ATP8A2: variants seen among roughly 807,000 people sequenced by gnomAD.
ATP8A2 encodes phospholipid-transporting ATPase IB.
ATP8A2 carries 100 observed loss-of-function variants against 165.6 expected under a neutral mutation model. The ratio of observed to expected loss-of-function variants is 0.60; its 90% CI spans 0.51 to 0.71. The LOEUF (loss-of-function observed/expected upper bound fraction) is 0.71. Ranked by LOEUF, ATP8A2 falls within the 30% of genes least tolerant of loss-of-function variation. ATP8A2 has a pLI of 0.00. For missense variants in ATP8A2, 1,227 were observed against 1,479.5 expected (o/e 0.83, Z 2.80); for synonymous variants, 543 against 548.8 (o/e 0.99, Z 0.15).
At chr13:25,393,786 T>G (rs1380993037) in intron 1 of ATP8A2, among the ~76,000 whole-genome samples, 1 of 152,252 alleles carries the variant, frequency 6.6e-6, no homozygotes, top group Non-Finnish European at 1.5e-5. Context: ...CATTTTATGT[T>G]GTGCATGCCT....
intron 21 of ATP8A2, among the ~76,000 whole-genome samples, chr13:25,579,459 G>T (rs960499486): frequency 6.6e-6 from 1 of 152,124 alleles, no homozygotes; most frequent in African/African-American, 2.4e-5. Context: ...GGGATAGCAC[G>T]TGGGGCCTTT....
chr13:25,521,054 C>T (rs1325615050), intron 2 of ATP8A2, among the ~76,000 whole-genome samples: 2 of 152,132 alleles, frequency 1.3e-5, no homozygotes, highest in Non-Finnish European at 2.9e-5. Context: ...TTTATAATAG[C>T]CATTTACACT....
intron 27 of ATP8A2, among the ~76,000 whole-genome samples, chr13:25,813,526 A>G (rs961100695): frequency 1.3e-5 from 2 of 152,214 alleles, no homozygotes; most frequent in Admixed American, 1.3e-4. Flanking sequence ...ATGGTATGAT[A>G]TATGATGATA....
At chr13:25,903,757 C>T (rs1212665019) in intron 33 of ATP8A2, among the ~76,000 whole-genome samples, 9 of 152,168 alleles carry the variant, frequency 5.9e-5, no homozygotes, top group Admixed American at 2.0e-4. Context: ...GGACCGACAT[C>T]GACACCTTAC....
chr13:25,645,767 A>G (rs2041655940), intron 24 of ATP8A2, among the ~76,000 whole-genome samples: 1 of 152,142 alleles, frequency 6.6e-6, no homozygotes, highest in African/African-American at 2.4e-5. Flanking sequence ...ATACCATTGT[A>G]GTCAGAAAAG....
At chr13:25,469,830 T>C (rs540318918) in intron 2 of ATP8A2, among the ~76,000 whole-genome samples, 9 of 152,322 alleles carry the variant, frequency 5.9e-5, no homozygotes, top group African/African-American at 2.2e-4. Context: ...ATCTGACTAC[T>C]AAGGATAAAA....
At chr13:25,575,908 T>G (rs2039604693) in intron 19 of ATP8A2, among the ~76,000 whole-genome samples, 1 of 152,076 alleles carries the variant, frequency 6.6e-6, no homozygotes, top group Non-Finnish European at 1.5e-5. Context: ...GGGAGTTAGA[T>G]AAAAACAGGT....
intron 1 of ATP8A2, among the ~76,000 whole-genome samples, chr13:25,453,911 G>A (rs1057320259): frequency 6.6e-6 from 1 of 152,128 alleles, no homozygotes; most frequent in African/African-American, 2.4e-5. Flanking sequence ...TCCTGAAGCT[G>A]GTATTGAAAT....
intron 1 of ATP8A2, among the ~76,000 whole-genome samples, chr13:25,384,965 C>T (rs1224139299): frequency 6.6e-6 from 1 of 152,152 alleles, no homozygotes; most frequent in Non-Finnish European, 1.5e-5. Flanking sequence ...TTGGGCTGCA[C>T]CAGTGGCTGC....
chr13:25,935,198 G>A (rs1954851148), intron 33 of ATP8A2, among the ~76,000 whole-genome samples: 1 of 152,176 alleles, frequency 6.6e-6, no homozygotes, highest in South Asian at 2.1e-4. Flanking sequence ...TTGGGCAGCT[G>A]CCTCCCTGAA....
intron 25 of ATP8A2, among the ~76,000 whole-genome samples, chr13:25,734,997 C>T (rs912928405): frequency 5.3e-5 from 8 of 152,056 alleles, no homozygotes; most frequent in Non-Finnish European, 1.0e-4. Flanking sequence ...AAGGAACAAG[C>T]GATAAGTTCT....
At chr13:25,801,675 T>C (rs754101822) in intron 27 of ATP8A2, among the ~76,000 whole-genome samples, 1 of 152,202 alleles carries the variant, frequency 6.6e-6, no homozygotes, top group Non-Finnish European at 1.5e-5. Context: ...TGTGAACAAA[T>C]GTTACTTGAC....
At chr13:25,756,023 C>T (rs2044253755) in intron 25 of ATP8A2, among the ~76,000 whole-genome samples, 1 of 152,172 alleles carries the variant, frequency 6.6e-6, no homozygotes, top group South Asian at 2.1e-4. Context: ...TCTCTTCCCA[C>T]CTCTGTCCTG....
chr13:25,519,886 A>C (rs1477374426), intron 2 of ATP8A2, among the ~76,000 whole-genome samples: 2 of 152,214 alleles, frequency 1.3e-5, no homozygotes, highest in Non-Finnish European at 2.9e-5. Context: ...GTGAATGGTA[A>C]AACATCTCCC....
intron 17 of ATP8A2, 31 bp from the exon 18 acceptor site, chr13:25,571,579 T>G (rs1399063637): frequency 3.9e-6 from 6 of 1,546,408 alleles, no homozygotes; most frequent in African/African-American, 1.4e-5. Flanking sequence ...ACCAGTGATA[T>G]GTCAATGTTT....
In ATP8A2 at chr13:25,715,459, C is replaced by G. The variant is rs529991233; in HGVS notation, c.2384+16114C>G. Among the ~76,000 whole-genome samples, 11 of 152,266 alleles carry G rather than the reference C, an allele frequency of 7.2e-5. No individual in the cohort carries two copies. In the South Asian group the frequency reaches 8.3e-4, roughly 11 times the overall value. ...ATTCCATTTTAGAACATTTCATCATCCCCAAAAAGAAACCCTGTACCAATT... is the reference window on the plus strand; with the variant it reads ...ATTCCATTTTAGAACATTTCATCATGCCCAAAAAGAAACCCTGTACCAATT... On this transcript the variant is annotated intron_variant, in intron 25 of 36. Coordinates refer to ENST00000381655, the MANE Select transcript of ATP8A2 (RefSeq NM_016529.6).
chr13:25,613,620 G>A (rs773025321), intron 24 of ATP8A2, among the ~76,000 whole-genome samples: 2 of 152,140 alleles, frequency 1.3e-5, no homozygotes, highest in Non-Finnish European at 2.9e-5. Flanking sequence ...AGAAGTTCTT[G>A]TAGTGCTGGA....
At chr13:25,714,842 C>A (rs547690104) in intron 25 of ATP8A2, among the ~76,000 whole-genome samples, 1 of 152,274 alleles carries the variant, frequency 6.6e-6, no homozygotes, top group Non-Finnish European at 1.5e-5. Flanking sequence ...TCTTGGCTAT[C>A]TACTTGTAGG....
At chr13:25,887,344 C>T (rs1318639133) in intron 33 of ATP8A2, among the ~76,000 whole-genome samples, 2 of 146,800 alleles carry the variant, frequency 1.4e-5, no homozygotes, top group African/African-American at 5.0e-5. Context: ...CAGTCCAACT[C>T]TTTTTTTTTT....
Sources: allele counts gnomAD v4.1 joint callset (sites outside exome capture counted in the v4.1 genomes callset), GRCh38; gene constraint gnomAD v4.1.1; transcripts MANE v1.5; gene names NCBI Gene and HGNC (gene_info 2026-07-23, HGNC 2026-07-21).